The following NALCN variants were observed in gnomAD, a reference collection of about 807,000 sequenced individuals.
The protein encoded by NALCN is sodium leak channel NALCN.
A neutral mutation model predicts 225.3 loss-of-function variants in NALCN; 111 were observed. The ratio of observed to expected loss-of-function variants is 0.49; its 90% CI spans 0.42 to 0.58. NALCN has a LOEUF of 0.58. Among genes scored for constraint, NALCN ranks in the 20% least tolerant of loss-of-function variants. The probability of loss-of-function intolerance (pLI) is 0.00; values close to 1 mark genes in which losing one functional copy is unlikely to be tolerated. For synonymous variants in NALCN, 764 were observed against 769.0 expected, an observed-to-expected ratio of 0.99 and a Z score of 0.11; for missense variants, 1,378 against 2,202.4, an observed-to-expected ratio of 0.63 and a Z score of 7.49.
At chr13:101,409,150 C>CAATGCCCT (rs1388210194) in intron 1 of NALCN, among the ~76,000 whole-genome samples, 1 of 152,132 alleles carries the variant, frequency 6.6e-6, no homozygotes, top group Non-Finnish European at 1.5e-5. Flanking sequence ...CACAATGCCC[C>CAATGCCCT]AATGCCCTTT....
chr13:101,389,776 A>G (rs2047092177), intron 3 of NALCN, among the ~76,000 whole-genome samples: 1 of 152,194 alleles, frequency 6.6e-6, no homozygotes, highest in African/African-American at 2.4e-5. Context: ...ACATTACAGA[A>G]TAAGATGAAT....
rs1374945646 is a variant in NALCN at position 101,107,808 on chromosome 13, G to A, written c.2365-19C>T. On this transcript the variant is annotated intron_variant, in intron 20 of 43. Transcript: ENST00000251127. Reference sequence around the variant, plus strand: ...TGGAATGCTAGAAATAAATTAACAGGGGGTGTGTTAAAACAGGAGGGTTTT... The same window carrying A: ...TGGAATGCTAGAAATAAATTAACAGAGGGTGTGTTAAAACAGGAGGGTTTT... 6.3e-7 allele frequency: 1 copy of A among 1,598,212 alleles called. No homozygotes were observed. Among genetic ancestry groups the A allele is most frequent in the South Asian group, 1.1e-5 (1 of 87,980 alleles).
At chr13:101,162,076 C>T (rs766222865) in intron 15 of NALCN, among the ~76,000 whole-genome samples, 1 of 152,182 alleles carries the variant, frequency 6.6e-6, no homozygotes, top group Non-Finnish European at 1.5e-5. Flanking sequence ...GTGAAGTCCA[C>T]AAGGCTCATC....
At chr13:101,066,260 A>C (rs1457653801) in intron 39 of NALCN, among the ~76,000 whole-genome samples, 1 of 148,534 alleles carries the variant, frequency 6.7e-6, no homozygotes, top group African/African-American at 2.5e-5. Context: ...CAGGAAGCAG[A>C]GGTTGCACCA....
intron 14 of NALCN, 59 bp downstream of exon 14, chr13:101,191,858 T>C: frequency 3.2e-6 from 5 of 1,550,670 alleles, no homozygotes; most frequent in South Asian, 2.4e-5. Context: ...CAAATATCTG[T>C]TGATGTTCAT....
intron 6 of NALCN, among the ~76,000 whole-genome samples, chr13:101,356,702 G>A (rs888853877): frequency 6.6e-6 from 1 of 152,216 alleles, no homozygotes; most frequent in Middle Eastern, 3.4e-3. Context: ...GCATCATCCC[G>A]ATACGAAAAC....
intron 17 of NALCN, among the ~76,000 whole-genome samples, chr13:101,126,441 T>C (rs1166634813): frequency 6.6e-6 from 1 of 152,076 alleles, no homozygotes; most frequent in Non-Finnish European, 1.5e-5. Flanking sequence ...TTTCCAATGA[T>C]AAATCTTGAA....
At chr13:101,173,869 G>A (rs2038849677) in intron 15 of NALCN, among the ~76,000 whole-genome samples, 1 of 152,130 alleles carries the variant, frequency 6.6e-6, no homozygotes, top group East Asian at 1.9e-4. Context: ...AAAAGAATCT[G>A]TAAAAGACAG....
At chr13:101,084,266 T>C (rs2033818644) in intron 30 of NALCN, among the ~76,000 whole-genome samples, 7 of 152,160 alleles carry the variant, frequency 4.6e-5, no homozygotes, top group African/African-American at 1.4e-4. Context: ...TACAAAGTCA[T>C]AGAGTTTGCA....
intron 13 of NALCN, among the ~76,000 whole-genome samples, chr13:101,216,674 T>C (rs1203612453): frequency 1.3e-5 from 2 of 152,154 alleles, no homozygotes; most frequent in African/African-American, 4.8e-5. Context: ...TCACTACATC[T>C]GACAAATAAT....
intron 28 of NALCN, among the ~76,000 whole-genome samples, chr13:101,093,806 C>T (rs1489274026): frequency 6.6e-6 from 1 of 152,122 alleles, no homozygotes; most frequent in Non-Finnish European, 1.5e-5. Context: ...TCCAACTGAT[C>T]CTATAACTCA....
chr13:101,185,488 T>C (rs2139980847), intron 14 of NALCN, among the ~76,000 whole-genome samples: 1 of 152,328 alleles, frequency 6.6e-6, no homozygotes. Context: ...TTCAACTTGT[T>C]AGGTCTTCCA....
At chr13:101,327,269 T>C (rs563431102) in intron 7 of NALCN, among the ~76,000 whole-genome samples, 7 of 152,280 alleles carry the variant, frequency 4.6e-5, no homozygotes, top group African/African-American at 9.6e-5. Flanking sequence ...TAACAAATGA[T>C]AGTTTATTGT....
intron 7 of NALCN, among the ~76,000 whole-genome samples, chr13:101,315,919 G>A (rs989242019): frequency 2.0e-5 from 3 of 151,894 alleles, no homozygotes; most frequent in Admixed American, 2.0e-4. Flanking sequence ...ATATGCTCCT[G>A]ATCTGTCTTC....
At chr13:101,370,108 T>A (rs757317704) in intron 6 of NALCN, among the ~76,000 whole-genome samples, 87 of 152,300 alleles carry the variant, frequency 5.7e-4, no homozygotes, top group Non-Finnish European at 9.3e-4. Context: ...AATTATTTAT[T>A]CTGTGTTAGG....
intron 2 of NALCN, among the ~76,000 whole-genome samples, chr13:101,397,007 A>C (rs1476912158): frequency 6.8e-6 from 1 of 147,384 alleles, no homozygotes; most frequent in African/African-American, 2.5e-5. Context: ...CAAAATATGG[A>C]AGCAACACAC....
intron 14 of NALCN, among the ~76,000 whole-genome samples, chr13:101,191,422 T>A (rs1017002077): frequency 6.6e-6 from 1 of 152,202 alleles, no homozygotes; most frequent in African/African-American, 2.4e-5. Context: ...TTTATTTTTT[T>A]CCATGTGTTT....
chr13:101,124,281 G>A (rs1486779267), intron 18 of NALCN, among the ~76,000 whole-genome samples: 6 of 151,974 alleles, frequency 3.9e-5, no homozygotes, highest in Non-Finnish European at 8.8e-5. Context: ...TTATCCTTTA[G>A]ATTGCAATTT....
chr13:101,118,466 C>T (rs1255271472), intron 18 of NALCN, among the ~76,000 whole-genome samples: 1 of 152,104 alleles, frequency 6.6e-6, no homozygotes, highest in Non-Finnish European at 1.5e-5. Context: ...TATTTTGCCA[C>T]TTTTAAATCT....
Sources: gnomAD v4.1 joint callset for allele counts (sites outside exome capture counted in the v4.1 genomes callset) on GRCh38, gnomAD v4.1.1 for gene constraint, MANE v1.5 for transcripts, NCBI Gene and HGNC (gene_info 2026-07-23, HGNC 2026-07-21) for gene names.